Variants in ZEB1 observed in about 807,000 individuals in gnomAD.
ZEB1 encodes zinc finger E-box binding homeobox 1, also known as zinc finger E-box-binding homeobox 1.
ZEB1 carries 21 observed loss-of-function variants against 84.9 expected under a neutral mutation model. That is an observed-to-expected ratio of 0.25 (90% CI 0.18 to 0.36). The LOEUF is 0.36. ZEB1 is among the 10% of genes least tolerant of loss of function. The probability of loss-of-function intolerance (pLI) is 1.00; values close to 1 mark genes in which losing one functional copy is unlikely to be tolerated. For missense variants in ZEB1, 1,104 were observed against 1,330.2 expected (o/e 0.83, Z 2.65); for synonymous variants, 420 against 471.1 (o/e 0.89, Z 1.41).
At chr10:31,506,948 C>T (rs958095352) in intron 4 of ZEB1, among the ~76,000 whole-genome samples, 8 of 151,922 alleles carry the variant, frequency 5.3e-5, no homozygotes, top group Non-Finnish European at 8.8e-5. Context: ...CATGTGTTTT[C>T]ATTATGGTAG....
At chr10:31,458,313 G>C (rs185222995) in intron 1 of ZEB1, among the ~76,000 whole-genome samples, 1 of 115,544 alleles carries the variant, frequency 8.7e-6, no homozygotes, top group African/African-American at 6.2e-5. Flanking sequence ...TCTCCATTCC[G>C]TGTGTGTGTG....
intron 1 of ZEB1, among the ~76,000 whole-genome samples, chr10:31,439,451 C>T (rs1330644652): frequency 1.3e-5 from 2 of 151,914 alleles, no homozygotes; most frequent in Admixed American, 6.6e-5. Flanking sequence ...ATATGTCAGG[C>T]GTTACTGGGA....
At chr10:31,453,003 A>G (rs2060791938) in intron 1 of ZEB1, among the ~76,000 whole-genome samples, 1 of 152,228 alleles carries the variant, frequency 6.6e-6, no homozygotes, top group African/African-American at 2.4e-5. Flanking sequence ...AATTATGACA[A>G]TATGCTTATC....
intron 2 of ZEB1, among the ~76,000 whole-genome samples, chr10:31,479,437 A>G (rs1454160541): frequency 6.6e-6 from 1 of 151,922 alleles, no homozygotes; most frequent in Non-Finnish European, 1.5e-5. Flanking sequence ...TCAAATTCAA[A>G]TAAGAACACA....
intron 1 of ZEB1, among the ~76,000 whole-genome samples, chr10:31,365,507 T>C (rs1467021066): frequency 6.6e-6 from 1 of 152,250 alleles, no homozygotes; most frequent in Non-Finnish European, 1.5e-5. Context: ...TGGAATTTTA[T>C]AACTGTACAT....
chr10:31,429,775 C>T (rs2057474787), intron 1 of ZEB1, among the ~76,000 whole-genome samples: 1 of 123,448 alleles, frequency 8.1e-6, no homozygotes. Context: ...CGAAGTCTCA[C>T]TCTTGTCCCC....
intron 1 of ZEB1, among the ~76,000 whole-genome samples, chr10:31,418,939 AATGTACAT>A (rs1205358854): frequency 6.6e-6 from 1 of 152,082 alleles, no homozygotes; most frequent in Non-Finnish European, 1.5e-5. Context: ...CAGTAAGTAT[AATGTACAT>A]ATTCAAAAAA....
chr10:31,419,342 C>A (rs2055755213), intron 1 of ZEB1, among the ~76,000 whole-genome samples: 1 of 152,094 alleles, frequency 6.6e-6, no homozygotes. Flanking sequence ...AGATTATGGA[C>A]AGCCAAGTTA....
chr10:31,421,614 A>G (rs957851665), intron 1 of ZEB1, among the ~76,000 whole-genome samples: 1 of 151,976 alleles, frequency 6.6e-6, no homozygotes, highest in Non-Finnish European at 1.5e-5. Context: ...AACCCAGCTT[A>G]GGAAAAAAAA....
intron 1 of ZEB1, chr10:31,322,088 T>C (rs1297900178): frequency 2.0e-5 from 3 of 153,410 alleles, no homozygotes; most frequent in Admixed American, 1.3e-4. Context: ...ACTACAGGTA[T>C]CTTCCATTTT....
At chr10:31,452,440 G>T (rs991467165) in intron 1 of ZEB1, among the ~76,000 whole-genome samples, 1 of 151,918 alleles carries the variant, frequency 6.6e-6, no homozygotes, top group African/African-American at 2.4e-5. Flanking sequence ...CTCTTTCCTG[G>T]AGTAATATTA....
chr10:31,436,138 C>T (rs1023381924), intron 1 of ZEB1, among the ~76,000 whole-genome samples: 1 of 152,070 alleles, frequency 6.6e-6, no homozygotes, highest in East Asian at 1.9e-4. Context: ...CCTTATTCGC[C>T]ATGTATGGGA....
chr10:31,510,885 A>G lies in ZEB1; in HGVS notation c.687+10A>G, dbSNP rs117885608. ...ATCAGGAAGAGATCAAGTAAGTGCAATGACTGAGAGTTCACTAACTTTCCA... is the reference window on the plus strand; with the variant it reads ...ATCAGGAAGAGATCAAGTAAGTGCAGTGACTGAGAGTTCACTAACTTTCCA... On this transcript the variant is annotated intron_variant, in intron 5 of 8. Coordinates refer to ENST00000424869, the MANE Select transcript of ZEB1 (RefSeq NM_001174096.2). 4.2e-4 allele frequency: 679 copies of G among 1,613,188 alleles called. 6 individuals are homozygous for G. In the East Asian group the frequency reaches 0.011, roughly 27 times the overall value.
intron 2 of ZEB1, among the ~76,000 whole-genome samples, chr10:31,469,130 G>C (rs2062824413): frequency 6.6e-6 from 1 of 152,158 alleles, no homozygotes; most frequent in South Asian, 2.1e-4. Context: ...AAACACTGTT[G>C]AAAGCCTTAA....
intron 1 of ZEB1, among the ~76,000 whole-genome samples, chr10:31,382,862 A>G (rs1158904293): frequency 6.6e-6 from 1 of 152,106 alleles, no homozygotes; most frequent in Non-Finnish European, 1.5e-5. Context: ...AGAAATGAAT[A>G]TGACAGATTA....
intron 1 of ZEB1, among the ~76,000 whole-genome samples, chr10:31,374,063 T>C (rs964003553): frequency 1.3e-5 from 2 of 151,804 alleles, no homozygotes; most frequent in African/African-American, 4.8e-5. Flanking sequence ...TTGATGTTTA[T>C]CTGAGATTAT....
chr10:31,437,945 A>G (rs142006950), intron 1 of ZEB1, among the ~76,000 whole-genome samples: 7 of 152,334 alleles, frequency 4.6e-5, no homozygotes, highest in Non-Finnish European at 8.8e-5. Flanking sequence ...AAGGAGAATT[A>G]CCTTCTGGGA....
intron 1 of ZEB1, among the ~76,000 whole-genome samples, chr10:31,451,179 A>G (rs1409936992): frequency 6.6e-6 from 1 of 152,136 alleles, no homozygotes. Context: ...AATTATTTAC[A>G]TTTTCCTAGA....
intron 1 of ZEB1, among the ~76,000 whole-genome samples, chr10:31,377,046 T>A (rs1298267622): frequency 6.6e-6 from 1 of 151,112 alleles, no homozygotes; most frequent in Non-Finnish European, 1.5e-5. Context: ...ACTCAAAGGC[T>A]TTCTAGAGAT....
Sources: gnomAD v4.1 joint callset for allele counts (sites outside exome capture counted in the v4.1 genomes callset) on GRCh38, gnomAD v4.1.1 for gene constraint, MANE v1.5 for transcripts, NCBI Gene and HGNC (gene_info 2026-07-23, HGNC 2026-07-21) for gene names.